FAM186A: variants seen among roughly 807,000 people sequenced by gnomAD.
The protein encoded by FAM186A is protein FAM186A.
In FAM186A, 163 loss-of-function variants were observed where a neutral mutation model predicts 216.8. The observed-to-expected ratio is 0.75, with a 90% CI of 0.66 to 0.86. The LOEUF (loss-of-function observed/expected upper bound fraction) is 0.86, where lower values mean the gene tolerates loss of function less well. Among genes scored for constraint, FAM186A ranks in the 40% least tolerant of loss-of-function variants. The probability of loss-of-function intolerance (pLI) is 0.00; values close to 1 mark genes in which losing one functional copy is unlikely to be tolerated. For synonymous variants in FAM186A, 805 were observed against 1,025.3 expected (o/e 0.79, Z 4.10); for missense variants, 2,184 against 2,746.2 (o/e 0.80, Z 4.58).
Position 50,360,865 on chromosome 12 carries a change from T to A in FAM186A, c.474A>T (p.Gln158His), listed in dbSNP as rs1374654384. 1 of 1,551,450 alleles carries A rather than the reference T, an allele frequency of 6.4e-7. No homozygotes were observed. The highest frequency in any genetic ancestry group is 1.4e-5 in the African/African-American group (1 of 73,184). Residue 158 changes from glutamine (Q) to histidine (H), a missense_variant, in exon 3 of 8, where the codon CAA (glutamine) becomes CAT (histidine). Transcript: ENST00000327337. ...DVDEHHHWIA[Q>H]MELLPDTLKA... Reference sequence around the variant, plus strand: ...TTAACGTGTCCGGTAACAACTCCATTTGTGCTATCCAGTGGTGGTGTTCAT... The same window carrying A: ...TTAACGTGTCCGGTAACAACTCCATATGTGCTATCCAGTGGTGGTGTTCAT...
At position 50,354,962 on chromosome 12, in the gene FAM186A, T is replaced by C; in HGVS notation, c.1870A>G (p.Thr624Ala). The change falls in exon 4 of 8, where the codon ACT (threonine) becomes GCT (alanine). Residue 624 changes from threonine (T) to alanine (A), a missense_variant. Thr to Ala is a moderately conservative substitution (Grantham distance 58). Coordinates refer to ENST00000327337, the MANE Select transcript of FAM186A (RefSeq NM_001145475.3). ...TTGGTCAACTCTTCCTTCTCTTCAG[T>C]TTTTTCTTCTTTGCTTGTGATAGTT... ...SGTITSKEEK[T>A]EEKEELTKQV... The C allele has an allele frequency of 6.5e-7, 1 of 1,549,606 alleles. No homozygotes were observed. Among genetic ancestry groups the C allele is most frequent in the Non-Finnish European group, 8.7e-7 (1 of 1,146,610 alleles).
At chr12:50,374,067 C>T (rs952718679) in intron 1 of FAM186A, among the ~76,000 whole-genome samples, 22 of 148,586 alleles carry the variant, frequency 1.5e-4, no homozygotes, top group African/African-American at 4.0e-4. Flanking sequence ...AACCAAACAC[C>T]GCATATTCTC....
In FAM186A at chr12:50,327,391, G is replaced by T. The variant is rs1246831063; in HGVS notation, c.7048C>A (p.Pro2350Thr). ...TGTATTTAATTTTACAGTCATTTGG[G>T]AATCTTCTTAACCCTGGAAATGAGA... ...ASLQSRVKKI[P>T]K Residue 2350 changes from proline to threonine, a missense_variant, in exon 8 of 8, where the codon CCC (proline) becomes ACC (threonine). By Grantham distance (38) the Pro-to-Thr change is conservative. Coordinates refer to ENST00000327337, the MANE Select transcript of FAM186A (RefSeq NM_001145475.3). 6.5e-7 allele frequency: 1 copy of T among 1,547,258 alleles called. No homozygotes were observed. The highest frequency in any genetic ancestry group is 2.0e-5 in the Admixed American group (1 of 50,806).
In FAM186A at chr12:50,350,681, T is replaced by C. The variant is rs1942867286; in HGVS notation, c.6151A>G (p.Thr2051Ala). The C allele has an allele frequency of 6.4e-7, 1 of 1,551,568 alleles. No individual in the cohort carries two copies. Among genetic ancestry groups the C allele is most frequent in the Non-Finnish European group, 8.7e-7 (1 of 1,146,962 alleles). Residue 2051 changes from threonine to alanine, a missense_variant, in exon 4 of 8, where the codon ACT becomes GCT. Physicochemically the swap from Thr to Ala is moderately conservative, Grantham distance 58 (BLOSUM62 0). Coordinates refer to ENST00000327337, the MANE Select transcript of FAM186A (RefSeq NM_001145475.3). ...ATCTGTGATGTTCTGAGTAGAGTAG[T>C]GAGAGAAGATGGTGATGTTGTTGGC... ...MKPTTSPSSL[T>A]TLLRTSQISP... is the part of the protein sequence containing the mutation.
chr12:50,365,387 T>C (rs1943078276), intron 1 of FAM186A, among the ~76,000 whole-genome samples: 1 of 152,204 alleles, frequency 6.6e-6, no homozygotes, highest in Non-Finnish European at 1.5e-5. Flanking sequence ...TCCTTTTACT[T>C]ATACTCACAC....
chr12:50,363,115 T>C, intron 2 of FAM186A, 30 bp downstream of exon 2: 2 of 1,489,868 alleles, frequency 1.3e-6, no homozygotes, highest in Non-Finnish European at 9.0e-7. Context: ...AACTTTATGG[T>C]TTTCCTCTGA....
rs999399596 is a variant in FAM186A at position 50,355,885 on chromosome 12, A to T, written c.947T>A (p.Leu316His). 2 of 1,551,208 alleles carry T rather than the reference A, an allele frequency of 1.3e-6. No homozygotes were observed. The highest frequency in any genetic ancestry group is 2.7e-5 in the African/African-American group (2 of 73,034). The change falls in exon 4 of 8, where the codon CTT (leucine) becomes CAT (histidine). Residue 316 changes from leucine (L) to histidine (H), a missense_variant. Around this residue, in one of 7 missense-constraint regions of FAM186A, gnomAD observed 1,132 missense variants for 1,263.4 expected, o/e 0.90. Coordinates refer to ENST00000327337, the MANE Select transcript of FAM186A (RefSeq NM_001145475.3). ...IRDLSNENEM[L>H]QQKLQDAEEK... is the part of the protein sequence containing the mutation. The stretch of plus-strand genomic sequence containing the variant: ...TTCTGCATCTTGAAGTTTCTGCTGA[A>T]GCATTTCATTTTCGTTACTGAGATC...
intron 7 of FAM186A, among the ~76,000 whole-genome samples, chr12:50,330,028 A>G (rs1212892280): frequency 6.6e-6 from 1 of 152,240 alleles, no homozygotes; most frequent in East Asian, 1.9e-4. Flanking sequence ...ATCTGTCCTG[A>G]AAGAGTTAAT....
At chr12:50,390,961 A>T (rs1422544134) in intron 1 of FAM186A, among the ~76,000 whole-genome samples, 1 of 152,066 alleles carries the variant, frequency 6.6e-6, no homozygotes, top group East Asian at 1.9e-4. Context: ...AAGTGCTAGG[A>T]TTACAGCCAT....
chr12:50,354,848 C>T lies in FAM186A; in HGVS notation c.1984G>A (p.Gly662Ser), dbSNP rs2136093877. ...TCGAGGTTACTCTGTTCACTTTTGCCATCTGGACTTTCTAGAACTCTGGTA... is the reference window on the plus strand; with the variant it reads ...TCGAGGTTACTCTGTTCACTTTTGCTATCTGGACTTTCTAGAACTCTGGTA... The part of the protein sequence containing the change: ...ESTRVLESPD[G>S]KSEQSNLEEF... Residue 662 changes from glycine (G) to serine (S), a missense_variant, in exon 4 of 8, where the codon GGC (glycine) becomes AGC (serine). By Grantham distance (56) the Gly-to-Ser change is moderately conservative. Transcript: ENST00000327337. The T allele has an allele frequency of 6.5e-7, 1 of 1,546,366 alleles. No individual in the cohort carries two copies. The highest frequency in any genetic ancestry group is 1.2e-5 in the South Asian group (1 of 82,500).
At chr12:50,358,329 C>T (rs1942998047) in intron 3 of FAM186A, among the ~76,000 whole-genome samples, 1 of 152,010 alleles carries the variant, frequency 6.6e-6, no homozygotes, top group Non-Finnish European at 1.5e-5. Context: ...GCCTATAATC[C>T]CAGAACTTTG....
chr12:50,380,977 G>T (rs543814549), intron 1 of FAM186A, among the ~76,000 whole-genome samples: 1 of 102 alleles, frequency 9.8e-3, no homozygotes, highest in African/African-American at 0.026. Flanking sequence ...GCATCTCCAG[G>T]CACAGGCACA....
chr12:50,392,884 T>A (rs990554779), intron 1 of FAM186A, among the ~76,000 whole-genome samples: 2 of 149,194 alleles, frequency 1.3e-5, no homozygotes, highest in Non-Finnish European at 3.0e-5. Flanking sequence ...GTTCTGGGAT[T>A]ACAGGCGTGA....
At chr12:50,328,723 G>C (rs1942628537) in intron 7 of FAM186A, among the ~76,000 whole-genome samples, 1 of 151,982 alleles carries the variant, frequency 6.6e-6, no homozygotes, top group East Asian at 2.0e-4. Context: ...TGGCCAGGCT[G>C]GTCTCAAACT....
chr12:50,353,898 G>A lies in FAM186A; in HGVS notation c.2934C>T (p.Leu978=), dbSNP rs919172024. 3.2e-6 allele frequency: 5 copies of A among 1,551,998 alleles called. No individual in the cohort carries two copies. Among genetic ancestry groups the A allele is most frequent in the African/African-American group, 2.7e-5 (2 of 72,898 alleles). The change falls in exon 4 of 8, where the codon CTC becomes CTT. Residue 978 remains leucine (L), a synonymous_variant. Coordinates refer to ENST00000327337, the MANE Select transcript of FAM186A (RefSeq NM_001145475.3). ...KQKPERGLED[L]ERQIKTKDQM... Reference sequence around the variant, plus strand: ...GATCCTTTGTTTTGATCTGCCTTTCGAGGTCCTCTAGCCCTCTCTCTGGCT... The same window carrying A: ...GATCCTTTGTTTTGATCTGCCTTTCAAGGTCCTCTAGCCCTCTCTCTGGCT...
chr12:50,330,585 G>A lies in FAM186A; in HGVS notation c.7022C>T (p.Ser2341Phe). 1 of 1,550,504 alleles carries A rather than the reference G, an allele frequency of 6.4e-7. No individual in the cohort carries two copies. Among genetic ancestry groups the A allele is most frequent in the African/African-American group, 1.4e-5 (1 of 73,080 alleles). Residue 2341 changes from serine (S) to phenylalanine (F), a missense_variant, in exon 7 of 8, where the codon TCC becomes TTC. By Grantham distance (155) the Ser-to-Phe change is radical. Around this residue, in one of 7 missense-constraint regions of FAM186A, gnomAD observed 721 missense variants for 816.4 expected, o/e 0.88. Transcript: ENST00000327337. The stretch of plus-strand genomic sequence containing the variant: ...GTCCATAACTTACCGTGATTGGAGG[G>A]ATGCAAGAGATTTTCGGAAGGTAGA... ...VQSTFRKSLA[S>F]LQSRVKKIPK
chr12:50,367,689 GCA>G (rs35526902), intron 1 of FAM186A, among the ~76,000 whole-genome samples: 2,791 of 151,378 alleles, frequency 0.018, 72 homozygotes, highest in African/African-American at 0.062. Context: ...GCATGTGCGT[GCA>G]CACACACACA....
At position 50,369,757 on chromosome 12, in the gene FAM186A, G is replaced by A. The variant is rs180763092; in HGVS notation, c.193-6393C>T. 1.1e-3 allele frequency among the ~76,000 whole-genome samples: 168 copies of A among 152,192 alleles called. 2 individuals carry two copies. Among genetic ancestry groups the A allele is most frequent in the Non-Finnish European group, 5.0e-4 (34 of 67,998 alleles). On this transcript the variant is annotated intron_variant, in intron 1 of 7. Coordinates refer to ENST00000327337, the MANE Select transcript of FAM186A (RefSeq NM_001145475.3). ...TAATCCCAGGACTTTGGGAGGCTGA[G>A]GTGGACAGATCAGTTGAAGTCAGGA... is the stretch of plus-strand genomic sequence containing the variant.
Position 50,353,988 on chromosome 12 carries a change from C to A in FAM186A, c.2844G>T (p.Gln948His), listed in dbSNP as rs778577499. ...LLEKENGQMR[Q>H]IQKEAKHLGP... is the part of the protein sequence containing the mutation. ...CCAAATGTTTCGCTTCCTTCTGAATCTGCCTCATCTGTCCATTCTCCTTTT... is the reference window on the plus strand; with the variant it reads ...CCAAATGTTTCGCTTCCTTCTGAATATGCCTCATCTGTCCATTCTCCTTTT... Residue 948 changes from glutamine (Q) to histidine (H), a missense_variant, in exon 4 of 8, where the codon CAG (glutamine) becomes CAT (histidine). Gln to His is a conservative substitution (Grantham distance 24, BLOSUM62 0). Around this residue, in one of 7 missense-constraint regions of FAM186A, gnomAD observed 1,132 missense variants for 1,263.4 expected, o/e 0.90. Transcript: ENST00000327337. 1 of 1,552,140 alleles carries A rather than the reference C, an allele frequency of 6.4e-7. No homozygotes were observed. Among genetic ancestry groups the A allele is most frequent in the South Asian group, 1.2e-5 (1 of 84,066 alleles).
Sources: allele counts gnomAD v4.1 joint callset (sites outside exome capture counted in the v4.1 genomes callset), GRCh38; gene constraint gnomAD v4.1.1; regional missense constraint gnomAD v4.1.1; transcripts MANE v1.5; gene names NCBI Gene and HGNC (gene_info 2026-07-23, HGNC 2026-07-21).